CDH2: variants seen among roughly 807,000 people sequenced by gnomAD.
CDH2 encodes cadherin 2.
In CDH2, 17 loss-of-function variants were observed where a neutral mutation model predicts 92.0. The observed-to-expected ratio is 0.18, with a 90% CI of 0.13 to 0.28. CDH2 has a LOEUF of 0.28. Among genes scored for constraint, CDH2 ranks in the 10% least tolerant of loss-of-function variants. The pLI is 1.00. For synonymous variants in CDH2, 419 were observed against 415.9 expected, an observed-to-expected ratio of 1.01 and a Z score of -0.09; for missense variants, 862 against 1,133.1, an observed-to-expected ratio of 0.76 and a Z score of 3.44.
At chr18:28,156,229 T>C (rs2016208218) in intron 1 of CDH2, among the ~76,000 whole-genome samples, 1 of 152,208 alleles carries the variant, frequency 6.6e-6, no homozygotes, top group Non-Finnish European at 1.5e-5. Flanking sequence ...TTGTCATTTC[T>C]TTTAATCAAG....
intron 2 of CDH2, among the ~76,000 whole-genome samples, chr18:28,086,134 T>A (rs45578041): frequency 0.017 from 2,535 of 152,246 alleles, 26 homozygotes; most frequent in Non-Finnish European, 0.026. Context: ...ACAGCTAAAT[T>A]CACTCTGGAA....
intron 2 of CDH2, among the ~76,000 whole-genome samples, chr18:28,064,574 G>T (rs2014469951): frequency 1.3e-5 from 2 of 151,504 alleles, no homozygotes; most frequent in Non-Finnish European, 2.9e-5. Flanking sequence ...TAGGTATAGA[G>T]ACTAAAACAG....
intron 6 of CDH2, among the ~76,000 whole-genome samples, chr18:27,944,776 A>AG (rs34455519): frequency 6.7e-6 from 1 of 149,092 alleles, no homozygotes; most frequent in Non-Finnish European, 1.5e-5. Flanking sequence ...AAAAAAAAAA[A>AG]GGCCAGGCAC....
At chr18:28,103,657 C>G (rs950044520) in intron 2 of CDH2, among the ~76,000 whole-genome samples, 8 of 151,810 alleles carry the variant, frequency 5.3e-5, no homozygotes, top group African/African-American at 1.9e-4. Flanking sequence ...CCCCTAGCCC[C>G]CATCCCCTGA....
intron 2 of CDH2, among the ~76,000 whole-genome samples, chr18:28,057,603 G>T (rs1381764558): frequency 6.6e-6 from 1 of 151,802 alleles, no homozygotes; most frequent in Non-Finnish European, 1.5e-5. Flanking sequence ...GGAGGCGGCA[G>T]TTGCAGTGAG....
intron 2 of CDH2, among the ~76,000 whole-genome samples, chr18:28,023,955 A>C (rs992695068): frequency 6.6e-6 from 1 of 152,160 alleles, no homozygotes; most frequent in African/African-American, 2.4e-5. Flanking sequence ...TAAAATAAGA[A>C]ATTCCATATA....
chr18:28,121,981 T>C (rs755593304), intron 2 of CDH2, among the ~76,000 whole-genome samples: 4 of 152,064 alleles, frequency 2.6e-5, no homozygotes. Flanking sequence ...TGATAGAAAA[T>C]GAGGGTGGTC....
At chr18:27,984,430 TCTACA>T (rs1264042489) in intron 13 of CDH2, among the ~76,000 whole-genome samples, 1 of 152,216 alleles carries the variant, frequency 6.6e-6, no homozygotes, top group African/African-American at 2.4e-5. Context: ...AATTCCTTAA[TCTACA>T]CTTACTCTAA....
chr18:28,092,790 A>T (rs2015060374), intron 2 of CDH2, among the ~76,000 whole-genome samples: 1 of 152,250 alleles, frequency 6.6e-6, no homozygotes, highest in South Asian at 2.1e-4. Context: ...ACAGAATTGT[A>T]GAAGTCTTCA....
At chr18:27,990,551 C>T (rs1320311361) in intron 9 of CDH2, among the ~76,000 whole-genome samples, 2 of 152,170 alleles carry the variant, frequency 1.3e-5, no homozygotes, top group Non-Finnish European at 2.9e-5. Flanking sequence ...AATTATAAAT[C>T]TTGAGTACTT....
intron 2 of CDH2, among the ~76,000 whole-genome samples, chr18:28,089,343 AAAC>A (rs1296072023): frequency 6.6e-6 from 1 of 152,344 alleles, no homozygotes; most frequent in East Asian, 1.9e-4. Context: ...CAGAAAAATC[AAAC>A]AACAATATTC....
chr18:28,163,931 G>A (rs546197741), intron 1 of CDH2, among the ~76,000 whole-genome samples: 9 of 152,280 alleles, frequency 5.9e-5, no homozygotes, highest in Admixed American at 1.3e-4. Context: ...TGGGTGGAGA[G>A]AGGGGAATGG....
chr18:28,109,051 C>T lies in CDH2; in HGVS notation c.172+38622G>A, dbSNP rs184365796. Among the ~76,000 whole-genome samples, 4 of 152,282 alleles carry T rather than the reference C, an allele frequency of 2.6e-5. No individual in the cohort carries two copies. The East Asian group carries it at 5.8e-4, about 22-fold the overall frequency. On this transcript the variant is annotated intron_variant, in intron 2 of 15. Transcript: ENST00000269141. The stretch of plus-strand genomic sequence containing the variant: ...ATGATTAATCTTATTAAACCAGCAT[C>T]TGAACCACAGCCACCATGCCATGGG...
At chr18:28,109,812 A>G (rs570515633) in intron 2 of CDH2, among the ~76,000 whole-genome samples, 1 of 152,356 alleles carries the variant, frequency 6.6e-6, no homozygotes, top group African/African-American at 2.4e-5. Flanking sequence ...TTATGAAATT[A>G]TAGATTCTTA....
chr18:28,169,231 G>A (rs911500676), intron 1 of CDH2, among the ~76,000 whole-genome samples: 36 of 152,092 alleles, frequency 2.4e-4, no homozygotes, highest in Non-Finnish European at 1.9e-4. Flanking sequence ...TGTGAATGAC[G>A]TACTGACAAT....
At chr18:28,013,244 C>A (rs1399262234) in intron 3 of CDH2, among the ~76,000 whole-genome samples, 1 of 152,072 alleles carries the variant, frequency 6.6e-6, no homozygotes, top group African/African-American at 2.4e-5. Flanking sequence ...AATTCATACC[C>A]CCCAACTGGA....
chr18:28,013,684 T>G lies in CDH2; in HGVS notation c.398A>C (p.Lys133Thr). ...LKPTLTEESV[K>T]ESAEVEEIVF... ...TAAAGCCATATTCGGATACTATACC[T>G]TCACTGACTCCTCAGTTAAGGTTGG... Residue 133 changes from lysine to threonine, a missense_variant and splice_region_variant, in exon 3 of 16, where the codon AAG (lysine) becomes ACG (threonine). Lys to Thr is a moderately conservative substitution (Grantham distance 78). Around this residue, in one of 5 missense-constraint regions of CDH2, gnomAD observed 159 missense variants for 177.2 expected, o/e 0.90. Transcript: ENST00000269141. 1 of 1,609,874 alleles carries G rather than the reference T, an allele frequency of 6.2e-7. No homozygotes were observed. Among genetic ancestry groups the G allele is most frequent in the Non-Finnish European group, 8.5e-7 (1 of 1,176,108 alleles).
chr18:28,158,089 T>C (rs2016249812), intron 1 of CDH2, among the ~76,000 whole-genome samples: 1 of 152,202 alleles, frequency 6.6e-6, no homozygotes. Context: ...GTTACAGATG[T>C]TTACAGTCCC....
intron 2 of CDH2, among the ~76,000 whole-genome samples, chr18:28,058,397 T>C (rs2014337617): frequency 6.6e-6 from 1 of 152,162 alleles, no homozygotes; most frequent in Non-Finnish European, 1.5e-5. Flanking sequence ...TCCCCGTATA[T>C]TGCAGTAAAG....
Sources: allele counts gnomAD v4.1 joint callset (sites outside exome capture counted in the v4.1 genomes callset), GRCh38; gene constraint gnomAD v4.1.1; regional missense constraint gnomAD v4.1.1; transcripts MANE v1.5; gene names NCBI Gene and HGNC (gene_info 2026-07-23, HGNC 2026-07-21).